DOCK10: variants seen among roughly 807,000 people sequenced by gnomAD.
DOCK10 encodes dedicator of cytokinesis 10.
Under a neutral mutation model 280.1 loss-of-function variants are expected in DOCK10, and 145 were observed. The ratio of observed to expected loss-of-function variants is 0.52; its 90% CI spans 0.45 to 0.59. The LOEUF (loss-of-function observed/expected upper bound fraction) is 0.59, where lower values mean the gene tolerates loss of function less well. DOCK10 is among the 20% of genes least tolerant of loss of function. DOCK10 has a pLI of 0.00. For synonymous variants in DOCK10, 915 were observed against 942.2 expected, an observed-to-expected ratio of 0.97 and a Z score of 0.53; for missense variants, 2,368 against 2,651.7, an observed-to-expected ratio of 0.89 and a Z score of 2.35.
intron 1 of DOCK10, among the ~76,000 whole-genome samples, chr2:224,977,406 C>T (rs1299708367): frequency 6.6e-6 from 1 of 152,116 alleles, no homozygotes; most frequent in Non-Finnish European, 1.5e-5. Context: ...AACAGAAAAA[C>T]ATTCTCTTTC....
chr2:224,778,316 A>C (rs1469057176), intron 50 of DOCK10, 32 bp from the exon 51 acceptor site: 1 of 1,571,260 alleles, frequency 6.4e-7, no homozygotes, highest in African/African-American at 1.4e-5. Flanking sequence ...CAATTTTATT[A>C]GACAATGCTA....
intron 2 of DOCK10, among the ~76,000 whole-genome samples, chr2:224,926,507 G>A (rs74641664): frequency 0.23 from 35,126 of 152,140 alleles, 4,553 homozygotes; most frequent in Non-Finnish European, 0.28. Context: ...ACTCCAGCCT[G>A]GATAACAGAG....
chr2:224,975,032 T>C (rs1455689286), intron 1 of DOCK10, among the ~76,000 whole-genome samples: 1 of 151,600 alleles, frequency 6.6e-6, no homozygotes, highest in Non-Finnish European at 1.5e-5. Context: ...GATTTTAAGC[T>C]GTTTTGATTT....
At chr2:225,024,391 T>G (rs551781301) in intron 1 of DOCK10, among the ~76,000 whole-genome samples, 1 of 152,336 alleles carries the variant, frequency 6.6e-6, no homozygotes, top group African/African-American at 2.4e-5. Context: ...TAAAATTTAT[T>G]CACAGATGTT....
At chr2:224,990,046 T>TA (rs1189488392) in intron 1 of DOCK10, among the ~76,000 whole-genome samples, 1 of 152,228 alleles carries the variant, frequency 6.6e-6, no homozygotes, top group Non-Finnish European at 1.5e-5. Flanking sequence ...TCTTTTGCTT[T>TA]AAAAATCAGG....
intron 1 of DOCK10, among the ~76,000 whole-genome samples, chr2:225,000,765 G>A (rs914013306): frequency 6.6e-6 from 1 of 152,156 alleles, no homozygotes; most frequent in Non-Finnish European, 1.5e-5. Context: ...GAATCACTTG[G>A]AGTCAGGAGT....
chr2:224,805,574 G>C lies in DOCK10; in HGVS notation c.3815-45C>G, dbSNP rs746222924. ...CACACGTATGGGAATGAGATGTATG[G>C]GCACACACACACAAAAGGTTCACAT... On this transcript the variant is annotated intron_variant, in intron 34 of 55. Transcript: ENST00000258390. This position sits in a 1 kb window ranked among gnomAD's most constrained non-coding sequence, Gnocchi z 4.3. 8.7e-6 allele frequency: 14 copies of C among 1,607,216 alleles called. No homozygotes were observed. Among genetic ancestry groups the C allele is most frequent in the Middle Eastern group, 1.7e-4 (1 of 5,722 alleles).
chr2:224,797,167 G>A (rs1379224951), intron 42 of DOCK10, 21 bp from the exon 43 acceptor site: 1 of 1,577,978 alleles, frequency 6.3e-7, no homozygotes, highest in South Asian at 1.2e-5. Context: ...GGAAGAACGG[G>A]TGAAGGGAGC....
intron 1 of DOCK10, among the ~76,000 whole-genome samples, chr2:224,985,220 AG>A (rs1705940077): frequency 6.6e-6 from 1 of 152,150 alleles, no homozygotes; most frequent in Non-Finnish European, 1.5e-5. Context: ...TGATTCAATA[AG>A]GTATTTATTA....
intron 1 of DOCK10, among the ~76,000 whole-genome samples, chr2:225,025,186 G>A (rs16866470): frequency 0.054 from 8,235 of 152,196 alleles, 733 homozygotes; most frequent in African/African-American, 0.19. Flanking sequence ...AGGAGATATC[G>A]AGTGAGAAGA....
chr2:224,980,823 T>G (rs1705706449), intron 1 of DOCK10, among the ~76,000 whole-genome samples: 1 of 152,190 alleles, frequency 6.6e-6, no homozygotes, highest in African/African-American at 2.4e-5. Flanking sequence ...ATTTTCCTCA[T>G]TAGTATATTC....
At chr2:224,838,441 G>T (rs996815171) in intron 24 of DOCK10, among the ~76,000 whole-genome samples, 11 of 152,138 alleles carry the variant, frequency 7.2e-5, no homozygotes, top group African/African-American at 2.2e-4. Context: ...GAATATCTCA[G>T]AATTTCAACA....
chr2:224,897,413 A>G (rs1700048744), intron 3 of DOCK10, among the ~76,000 whole-genome samples: 1 of 152,154 alleles, frequency 6.6e-6, no homozygotes, highest in Non-Finnish European at 1.5e-5. Context: ...GAACCATCCA[A>G]TTATACTCTT....
intron 28 of DOCK10, among the ~76,000 whole-genome samples, chr2:224,821,015 G>T (rs1034512356): frequency 1.3e-5 from 2 of 152,198 alleles, no homozygotes; most frequent in Non-Finnish European, 2.9e-5. Context: ...AAGTAGAGCT[G>T]TGACCCAGGT....
rs1031730272 is a variant in DOCK10 at position 224,830,445 on chromosome 2, G to A, written c.3036+96C>T. Reference sequence around the variant, plus strand: ...ATTGTAAACTGCTAAGGTTTATAAAGCAAATAAAAATGGAACTCATGACAG... The same window carrying A: ...ATTGTAAACTGCTAAGGTTTATAAAACAAATAAAAATGGAACTCATGACAG... On this transcript the variant is annotated intron_variant, in intron 27 of 55. Coordinates refer to ENST00000258390, the MANE Select transcript of DOCK10 (RefSeq NM_014689.3). The A allele has an allele frequency of 4.6e-6, 3 of 657,452 alleles. No individual in the cohort carries two copies. In the African/African-American group the frequency reaches 5.7e-5, roughly 12 times the overall value. 40.7% of individuals were successfully genotyped at this position (657,452 alleles called of 1,614,324 possible).
intron 50 of DOCK10, among the ~76,000 whole-genome samples, chr2:224,785,180 C>T (rs935778268): frequency 1.3e-5 from 2 of 152,076 alleles, no homozygotes; most frequent in African/African-American, 4.8e-5. Context: ...GCCATTTTCT[C>T]TTCTCTCTCT....
intron 19 of DOCK10, among the ~76,000 whole-genome samples, chr2:224,846,786 T>G (rs1403036108): frequency 6.6e-6 from 1 of 152,106 alleles, no homozygotes; most frequent in African/African-American, 2.4e-5. Flanking sequence ...TGAGCCACTG[T>G]GGCTGGCCAT....
chr2:224,791,059 C>T (rs1341387980), intron 47 of DOCK10, among the ~76,000 whole-genome samples: 1 of 152,136 alleles, frequency 6.6e-6, no homozygotes, highest in African/African-American at 2.4e-5. Flanking sequence ...ATTCTCATAT[C>T]ACCTTAGGTC....
intron 7 of DOCK10, 51 bp downstream of exon 7, chr2:224,885,620 T>C (rs1353603794): frequency 4.0e-6 from 6 of 1,502,786 alleles, no homozygotes; most frequent in East Asian, 2.5e-5. Flanking sequence ...TTGTTAAATA[T>C]ACTTTTCAAA....
Sources: allele counts gnomAD v4.1 joint callset (sites outside exome capture counted in the v4.1 genomes callset), GRCh38; gene constraint gnomAD v4.1.1; non-coding constraint Gnocchi (gnomAD v3.1); transcripts MANE v1.5; gene names NCBI Gene and HGNC (gene_info 2026-07-23, HGNC 2026-07-21).